Variants in MAST2 observed in about 807,000 individuals in gnomAD.
The protein encoded by MAST2 is microtubule associated serine/threonine kinase 2.
A neutral mutation model predicts 147.4 loss-of-function variants in MAST2; 70 were observed. That is an observed-to-expected ratio of 0.47 (90% CI 0.39 to 0.58). The LOEUF is 0.58. MAST2 is among the 20% of genes least tolerant of loss of function. The pLI, the probability that MAST2 is intolerant of heterozygous loss-of-function variation, is 0.00. For synonymous variants in MAST2, 869 were observed against 896.8 expected, an observed-to-expected ratio of 0.97 and a Z score of 0.55; for missense variants, 2,080 against 2,302.3, an observed-to-expected ratio of 0.90 and a Z score of 1.98.
chr1:45,936,048 T>A (rs1180118180), intron 4 of MAST2, among the ~76,000 whole-genome samples: 1 of 152,230 alleles, frequency 6.6e-6, no homozygotes, highest in Non-Finnish European at 1.5e-5. Context: ...TTCCCATTTG[T>A]TTGTGTCATT....
chr1:45,951,437 G>C (rs35214950), intron 4 of MAST2, among the ~76,000 whole-genome samples: 1 of 152,030 alleles, frequency 6.6e-6, no homozygotes, highest in Non-Finnish European at 1.5e-5. Context: ...ACAAAACTTA[G>C]TCAGGCATGG....
chr1:45,877,060 G>A (rs559658008), intron 3 of MAST2, among the ~76,000 whole-genome samples: 7 of 152,036 alleles, frequency 4.6e-5, no homozygotes, highest in Admixed American at 1.3e-4. Flanking sequence ...TCGTCTGTTC[G>A]TGCTGCTATA....
intron 16 of MAST2, among the ~76,000 whole-genome samples, chr1:46,026,867 G>C (rs1209398755): frequency 1.3e-5 from 2 of 152,128 alleles, no homozygotes; most frequent in East Asian, 3.9e-4. Flanking sequence ...GTCTGAGTTT[G>C]AGTCTACTAA....
intron 5 of MAST2, among the ~76,000 whole-genome samples, chr1:45,964,772 GT>G (rs1234661157): frequency 6.6e-6 from 1 of 152,098 alleles, no homozygotes; most frequent in Admixed American, 6.6e-5. Flanking sequence ...TTTTGAATGT[GT>G]TTGCTCTTGC....
At chr1:45,867,034 G>A (rs1195235207) in intron 3 of MAST2, among the ~76,000 whole-genome samples, 2 of 152,110 alleles carry the variant, frequency 1.3e-5, no homozygotes, top group Non-Finnish European at 2.9e-5. Context: ...GCAGATGTGA[G>A]CCACCGCACC....
At chr1:45,926,745 A>ATT (rs5773898) in intron 4 of MAST2, among the ~76,000 whole-genome samples, 7 of 145,898 alleles carry the variant, frequency 4.8e-5, no homozygotes, top group East Asian at 2.0e-4. Context: ...AGGTTTTTTG[A>ATT]TTTTTTTTTT....
Position 45,975,977 on chromosome 1 carries a change from C to CT in MAST2, c.592+16515dup, listed in dbSNP as rs11311601. Among the ~76,000 whole-genome samples the CT allele has an allele frequency of 3.8e-3, 549 of 143,848 alleles. 1 individual carries two copies. The highest frequency in any genetic ancestry group is 0.021 in the East Asian group (102 of 4,882). 94.4% of individuals were successfully genotyped at this position (143,848 alleles called of 152,430 possible). The stretch of plus-strand genomic sequence containing the variant: ...GGTTTTTTAATCTAAAAACTGAATA[C>CT]TTTTTTTTTTTTTTTGAAACAGAAT... On this transcript the variant is annotated intron_variant, in intron 5 of 28. Transcript: ENST00000361297.
At chr1:45,858,833 G>T (rs1284915575) in intron 3 of MAST2, among the ~76,000 whole-genome samples, 1 of 151,834 alleles carries the variant, frequency 6.6e-6, no homozygotes, top group African/African-American at 2.4e-5. Flanking sequence ...TCTACATATG[G>T]CTAGCCAGTT....
At chr1:46,024,457 C>T (rs1381129735) in intron 15 of MAST2, 1 of 182,976 alleles carries the variant, frequency 5.5e-6, no homozygotes, top group South Asian at 1.2e-4. Flanking sequence ...TGGAGGGAGG[C>T]AGCAGCTTTG....
intron 3 of MAST2, among the ~76,000 whole-genome samples, chr1:45,835,502 C>T (rs1490735228): frequency 1.3e-5 from 2 of 152,096 alleles, no homozygotes; most frequent in Non-Finnish European, 2.9e-5. Flanking sequence ...CTAACCAGAA[C>T]AAAAGATGTG....
chr1:45,903,245 T>C (rs1650104234), intron 4 of MAST2, among the ~76,000 whole-genome samples: 1 of 148,932 alleles, frequency 6.7e-6, no homozygotes, highest in African/African-American at 2.5e-5. Context: ...TTCTTCTGCC[T>C]CAGCCTCTTG....
intron 4 of MAST2, among the ~76,000 whole-genome samples, chr1:45,937,650 G>C (rs200946079): frequency 6.7e-6 from 1 of 150,286 alleles, no homozygotes; most frequent in Non-Finnish European, 1.5e-5. Flanking sequence ...TACTTGGGAG[G>C]CTGAGTCAGG....
chr1:45,891,517 G>A (rs952749750), intron 4 of MAST2, among the ~76,000 whole-genome samples: 13 of 152,054 alleles, frequency 8.5e-5, no homozygotes, highest in African/African-American at 2.9e-4. Context: ...CATAACGTCA[G>A]TTACCTACCT....
intron 5 of MAST2, among the ~76,000 whole-genome samples, chr1:45,987,776 GATT>G: frequency 3.3e-5 from 1 of 30,708 alleles, no homozygotes; most frequent in East Asian, 8.2e-4. Flanking sequence ...TTTTTTTTTT[GATT>G]TTTTTTTTTT....
At chr1:45,930,574 C>T (rs576655059) in intron 4 of MAST2, among the ~76,000 whole-genome samples, 9 of 152,238 alleles carry the variant, frequency 5.9e-5, no homozygotes, top group African/African-American at 1.7e-4. Flanking sequence ...CTTCGCAGCA[C>T]GGGGTAGAGT....
intron 4 of MAST2, among the ~76,000 whole-genome samples, chr1:45,903,369 A>G (rs976067132): frequency 3.3e-5 from 5 of 151,938 alleles, no homozygotes; most frequent in South Asian, 4.1e-4. Flanking sequence ...AGCTCAGGCA[A>G]TCCTCCCGCC....
In MAST2 at chr1:46,023,847, C is replaced by T. The variant is rs1199814283; in HGVS notation, c.1647C>T (p.Ile549=). The T allele has an allele frequency of 6.2e-7, 1 of 1,614,126 alleles. No homozygotes were observed. Among genetic ancestry groups the T allele is most frequent in the East Asian group, 2.2e-5 (1 of 44,876 alleles). ...AMKKINKQNL[I]LRNQIQQAFV... is the part of the protein sequence containing the mutation. ...AGAAGATCAACAAGCAGAACCTGAT[C>T]CTACGGAACCAGATCCAGCAGGCCT... is the stretch of plus-strand genomic sequence containing the variant. Residue 549 remains isoleucine, a synonymous_variant, in exon 15 of 29, where the codon ATC becomes ATT. Coordinates refer to ENST00000361297, the MANE Select transcript of MAST2 (RefSeq NM_015112.3). This position sits in a 1 kb window ranked among gnomAD's most constrained non-coding sequence, Gnocchi z 4.9.
chr1:46,024,988 CAA>C (rs1056086852), intron 15 of MAST2, among the ~76,000 whole-genome samples: 15 of 152,282 alleles, frequency 9.9e-5, no homozygotes, highest in South Asian at 8.3e-4. Context: ...TGGCAGCAGA[CAA>C]GAGAGAGCTT....
chr1:45,991,090 A>G (rs186075178), intron 5 of MAST2, among the ~76,000 whole-genome samples: 28 of 152,166 alleles, frequency 1.8e-4, no homozygotes, highest in Admixed American at 7.2e-4. Flanking sequence ...TTGTATCTAG[A>G]TTCATTTTTT....
Sources: allele counts gnomAD v4.1 joint callset (sites outside exome capture counted in the v4.1 genomes callset), GRCh38; gene constraint gnomAD v4.1.1; non-coding constraint Gnocchi (gnomAD v3.1); transcripts MANE v1.5; gene names NCBI Gene and HGNC (gene_info 2026-07-23, HGNC 2026-07-21).